Variants in SIL1 observed in about 807,000 individuals in gnomAD.
SIL1 encodes nucleotide exchange factor SIL1.
Under a neutral mutation model 49.1 loss-of-function variants are expected in SIL1, and 40 were observed. The observed-to-expected ratio is 0.81, with a 90% CI of 0.63 to 1.06. SIL1 has a LOEUF of 1.06. Ranked by LOEUF, SIL1 falls within the 50% of genes least tolerant of loss-of-function variation. The pLI is 0.00. For synonymous variants in SIL1, 253 were observed against 250.8 expected (o/e 1.01, Z -0.08); for missense variants, 500 against 572.6 (o/e 0.87, Z 1.29).
intron 2 of SIL1, among the ~76,000 whole-genome samples, chr5:139,124,797 T>G (rs1449605100): frequency 1.3e-5 from 2 of 152,218 alleles, no homozygotes; most frequent in Non-Finnish European, 1.5e-5. Context: ...CATTCCTCAA[T>G]TCATCCAAGT....
chr5:139,149,190 C>T (rs1751251270), intron 1 of SIL1, among the ~76,000 whole-genome samples: 2 of 152,172 alleles, frequency 1.3e-5, no homozygotes, highest in Admixed American at 6.5e-5. Context: ...GTTACACACC[C>T]ACGCCAAAGC....
At chr5:138,954,976 G>T (rs1766870950) in intron 7 of SIL1, among the ~76,000 whole-genome samples, 1 of 152,198 alleles carries the variant, frequency 6.6e-6, no homozygotes, top group Non-Finnish European at 1.5e-5. Context: ...ACACAAAGAG[G>T]CCAGACCACA....
chr5:138,985,643 T>TA (rs1277413116), intron 7 of SIL1, among the ~76,000 whole-genome samples: 1 of 152,092 alleles, frequency 6.6e-6, no homozygotes, highest in African/African-American at 2.4e-5. Context: ...CACAGAGACT[T>TA]AAAGTCTCAC....
At chr5:138,949,205 C>T (rs1201041317) in intron 9 of SIL1, among the ~76,000 whole-genome samples, 2 of 152,216 alleles carry the variant, frequency 1.3e-5, no homozygotes, top group Non-Finnish European at 2.9e-5. Flanking sequence ...TCAGATGCAC[C>T]AGAGGCCATG....
chr5:139,056,356 G>A (rs904295223), intron 3 of SIL1, among the ~76,000 whole-genome samples: 5 of 149,926 alleles, frequency 3.3e-5, no homozygotes, highest in South Asian at 2.1e-4. Flanking sequence ...ATCTCTGCCC[G>A]GCCAACCCGT....
intron 7 of SIL1, among the ~76,000 whole-genome samples, chr5:138,973,108 C>T (rs1767316582): frequency 6.6e-6 from 1 of 150,708 alleles, no homozygotes; most frequent in Non-Finnish European, 1.5e-5. Flanking sequence ...CAAGCCCAAG[C>T]CAATTAAAGG....
chr5:139,145,504 TCAAA>T (rs1751173193), intron 1 of SIL1, among the ~76,000 whole-genome samples: 2 of 152,130 alleles, frequency 1.3e-5, no homozygotes, highest in Non-Finnish European at 2.9e-5. Context: ...AAACAGTGAC[TCAAA>T]CAGATGCTTG....
At chr5:139,173,609 A>G (rs557504492) in intron 1 of SIL1, among the ~76,000 whole-genome samples, 1 of 152,040 alleles carries the variant, frequency 6.6e-6, no homozygotes, top group East Asian at 1.9e-4. Flanking sequence ...CAGCAAAAGC[A>G]ATACTAAAGG....
intron 1 of SIL1, among the ~76,000 whole-genome samples, chr5:139,167,971 C>A (rs1404086357): frequency 6.6e-6 from 1 of 152,188 alleles, no homozygotes; most frequent in East Asian, 1.9e-4. Context: ...CATGTGACAC[C>A]CGTGTGCAGC....
intron 4 of SIL1, among the ~76,000 whole-genome samples, chr5:139,048,810 G>A (rs898921126): frequency 2.0e-5 from 3 of 152,234 alleles, no homozygotes; most frequent in Non-Finnish European, 4.4e-5. Context: ...AAGAAGTTTG[G>A]CAGGGGCCGT....
chr5:138,957,929 T>C (rs1356157790), intron 7 of SIL1, among the ~76,000 whole-genome samples: 1 of 152,014 alleles, frequency 6.6e-6, no homozygotes, highest in African/African-American at 2.4e-5. Context: ...ACTTTTTTTT[T>C]TTTTTTTGTA....
intron 3 of SIL1, among the ~76,000 whole-genome samples, chr5:139,067,899 G>A (rs1769742220): frequency 6.6e-6 from 1 of 152,196 alleles, no homozygotes; most frequent in Admixed American, 6.5e-5. Flanking sequence ...TGGATAGAGT[G>A]TTCACTATAG....
intron 1 of SIL1, among the ~76,000 whole-genome samples, chr5:139,133,153 T>C (rs1229058913): frequency 1.3e-5 from 2 of 152,150 alleles, no homozygotes; most frequent in African/African-American, 4.8e-5. Context: ...TGACATAAAA[T>C]ACCATCACTC....
intron 1 of SIL1, among the ~76,000 whole-genome samples, chr5:139,144,737 G>A (rs949946177): frequency 1.2e-4 from 18 of 152,100 alleles, no homozygotes; most frequent in Non-Finnish European, 2.4e-4. Context: ...CGGGCGTGGT[G>A]GCGGGCACCT....
intron 1 of SIL1, among the ~76,000 whole-genome samples, chr5:139,154,309 G>A (rs768018925): frequency 3.9e-5 from 6 of 152,196 alleles, no homozygotes; most frequent in Non-Finnish European, 8.8e-5. Flanking sequence ...AAGTGCTAGG[G>A]CATCATGGCC....
rs1769201079 is a variant in SIL1, at chr5:139,047,897, GA to G, written c.353+3040del. Among the ~76,000 whole-genome samples the G allele has an allele frequency of 3.9e-5, 6 of 152,342 alleles. No homozygotes were observed. The South Asian group carries it at 1.2e-3, about 32-fold the overall frequency. On this transcript the variant is annotated intron_variant, in intron 4 of 9. Coordinates refer to ENST00000394817, the MANE Select transcript of SIL1 (RefSeq NM_022464.5). The stretch of plus-strand genomic sequence containing the variant: ...TTCAGGCAGAGACTCTCCAAAGGAG[GA>G]AAGTAAAAAGGCAGGAGTAGGGACA...
At chr5:138,962,476 C>G (rs1212736635) in intron 7 of SIL1, among the ~76,000 whole-genome samples, 2 of 152,168 alleles carry the variant, frequency 1.3e-5, no homozygotes, top group Non-Finnish European at 2.9e-5. Context: ...ATTTGTAAAA[C>G]AGGGATTAAT....
chr5:139,164,068 AAG>A lies in SIL1; in HGVS notation c.-11+34199_-11+34200del, dbSNP rs139561123. Among the ~76,000 whole-genome samples, 1,461 of 151,652 alleles carry A rather than the reference AAG, an allele frequency of 9.6e-3. 24 individuals carry two copies. Among genetic ancestry groups the A allele is most frequent in the African/African-American group, 0.028 (1,133 of 41,166 alleles). ...CAGGAGACAGAGGTTGCAGTAAGAC[AAG>A]ATCGTGCCACTGCACTCCAGCCTGG... On this transcript the variant is annotated intron_variant, in intron 1 of 9. Transcript: ENST00000394817.
intron 1 of SIL1, chr5:139,155,481 G>A (rs1211009296): frequency 3.3e-5 from 5 of 151,964 alleles, no homozygotes; most frequent in South Asian, 4.2e-4. Flanking sequence ...GAGAGAGAAC[G>A]AGCTCTCGAG....
Sources: gnomAD v4.1 joint callset for allele counts (sites outside exome capture counted in the v4.1 genomes callset) on GRCh38, gnomAD v4.1.1 for gene constraint, MANE v1.5 for transcripts, NCBI Gene and HGNC (gene_info 2026-07-23, HGNC 2026-07-21) for gene names.